LINGO2: variants seen among roughly 807,000 people sequenced by gnomAD.
The protein encoded by LINGO2 is leucine rich repeat and Ig domain containing 2.
In LINGO2, 14 loss-of-function variants were observed where a neutral mutation model predicts 30.6. The observed-to-expected ratio is 0.46, with a 90% confidence interval of 0.30 to 0.72. The LOEUF (loss-of-function observed/expected upper bound fraction) is 0.72. Ranked by LOEUF, LINGO2 falls within the 30% of genes least tolerant of loss-of-function variation. The probability of loss-of-function intolerance (pLI) is 0.07; values close to 1 mark genes in which losing one functional copy is unlikely to be tolerated. For synonymous variants in LINGO2, 317 were observed against 288.5 expected (o/e 1.10, Z -1.00); for missense variants, 729 against 751.7 (o/e 0.97, Z 0.35).
At chr9:28,797,337 TATATATATATATATATATATATAG>T in the LINGO2 span, among the ~76,000 whole-genome samples, 2 of 62,808 alleles carry the variant, frequency 3.2e-5, no homozygotes, top group African/African-American at 1.3e-4. Context: ...TACATATATA[TATATATATATATATATATATATAG>T]AGAGAGAGAG....
At chr9:28,270,689 T>G (rs1024149070) in intron 4 of LINGO2, among the ~76,000 whole-genome samples, 3 of 152,156 alleles carry the variant, frequency 2.0e-5, no homozygotes, top group African/African-American at 7.2e-5. Context: ...CAACTAGTTC[T>G]TCCTGAATCG....
chr9:28,728,098 C>T, the LINGO2 span, among the ~76,000 whole-genome samples: 1 of 152,236 alleles, frequency 6.6e-6, no homozygotes, highest in African/African-American at 2.4e-5. Context: ...TAACAGAGAA[C>T]TGGGATTGAG....
chr9:28,160,271 T>C (rs922420959), intron 4 of LINGO2, among the ~76,000 whole-genome samples: 1 of 152,186 alleles, frequency 6.6e-6, no homozygotes, highest in African/African-American at 2.4e-5. Context: ...GTGTGATATC[T>C]TGAGAAAGAG....
the LINGO2 span, among the ~76,000 whole-genome samples, chr9:29,181,210 T>C: frequency 6.6e-6 from 1 of 152,326 alleles, no homozygotes; most frequent in Non-Finnish European, 1.5e-5. Context: ...ATTTATCATA[T>C]GTACAAAAAG....
At chr9:29,002,242 C>A in the LINGO2 span, among the ~76,000 whole-genome samples, 2 of 151,988 alleles carry the variant, frequency 1.3e-5, no homozygotes, top group African/African-American at 4.8e-5. Flanking sequence ...TTTTAATTTT[C>A]TCTATTGTAT....
rs1564256090 is a variant in LINGO2, at chr9:28,512,632, TATATACACAC to T, written c.-364-36617_-364-36608del. 2.5e-3 allele frequency among the ~76,000 whole-genome samples: 15 copies of T among 5,958 alleles called. 1 individual carries two copies. The highest frequency in any genetic ancestry group is 4.7e-3 in the African/African-American group (14 of 2,962). The allele number at this position is 5,958 out of a possible 152,430, so 3.9% of individuals were successfully genotyped here. A position where few individuals can be genotyped will look rare whatever the true frequency, so the allele number is the denominator to read the frequency against. On this transcript the variant is annotated intron_variant, in intron 1 of 5. Coordinates refer to ENST00000379992, the Ensembl canonical transcript of LINGO2. Reference sequence around the variant, plus strand: ...ATATATATATATATATATATATATATATATACACACATACATACACACACACACACATATG... The same window carrying T: ...ATATATATATATATATATATATATATATACATACACACACACACACATATG...
chr9:29,074,549 C>T, the LINGO2 span, among the ~76,000 whole-genome samples: 6 of 152,032 alleles, frequency 3.9e-5, no homozygotes, highest in South Asian at 6.2e-4. Flanking sequence ...CATCCTGGGA[C>T]GGATGGAGAT....
At chr9:28,983,064 A>G in the LINGO2 span, among the ~76,000 whole-genome samples, 414 of 152,002 alleles carry the variant, frequency 2.7e-3, 2 homozygotes, top group African/African-American at 9.4e-3. Context: ...CTCAACAGTC[A>G]GAGGAAGCTG....
intron 2 of LINGO2, among the ~76,000 whole-genome samples, chr9:28,402,218 A>AATAGG (rs1491195641): frequency 1.0e-5 from 1 of 96,012 alleles, no homozygotes; most frequent in Non-Finnish European, 2.4e-5. Context: ...AAGAAAAAAC[A>AATAGG]ATAACTTAGG....
the LINGO2 span, among the ~76,000 whole-genome samples, chr9:28,704,406 T>C: frequency 6.7e-6 from 1 of 149,960 alleles, no homozygotes; most frequent in Non-Finnish European, 1.5e-5. Flanking sequence ...ATTTTTTTTT[T>C]CGCATTTATC....
chr9:28,301,947 T>G (rs1824162471), intron 3 of LINGO2, among the ~76,000 whole-genome samples: 1 of 152,138 alleles, frequency 6.6e-6, no homozygotes, highest in African/African-American at 2.4e-5. Flanking sequence ...GAAAAAATCT[T>G]CAACCAAGAA....
chr9:28,292,650 G>A (rs1305896666), intron 4 of LINGO2, among the ~76,000 whole-genome samples: 1 of 151,998 alleles, frequency 6.6e-6, no homozygotes, highest in Non-Finnish European at 1.5e-5. Flanking sequence ...TTTTAGTAGA[G>A]ATGGGGTTTC....
At chr9:28,459,344 A>G (rs1432192099) in intron 2 of LINGO2, among the ~76,000 whole-genome samples, 1 of 151,978 alleles carries the variant, frequency 6.6e-6, no homozygotes, top group Non-Finnish European at 1.5e-5. Flanking sequence ...AGGTAATTAC[A>G]TACTCATTTT....
chr9:29,090,778 T>C, the LINGO2 span, among the ~76,000 whole-genome samples: 1 of 151,998 alleles, frequency 6.6e-6, no homozygotes, highest in Admixed American at 6.6e-5. Flanking sequence ...ATTTATTATT[T>C]ATTTATCCTT....
upstream of LINGO2, among the ~76,000 whole-genome samples, chr9:28,671,082 T>G (rs1415255045): frequency 6.6e-6 from 1 of 152,122 alleles, no homozygotes; most frequent in African/African-American, 2.4e-5. Flanking sequence ...CACTTTCCCA[T>G]GTTTCCCATA....
At chr9:28,001,575 A>C (rs1378376937) in intron 5 of LINGO2, among the ~76,000 whole-genome samples, 1 of 152,182 alleles carries the variant, frequency 6.6e-6, no homozygotes, top group Non-Finnish European at 1.5e-5. Flanking sequence ...ATCAAGATTT[A>C]TTTGCCCAAG....
At chr9:28,936,501 G>A in the LINGO2 span, among the ~76,000 whole-genome samples, 1 of 152,088 alleles carries the variant, frequency 6.6e-6, no homozygotes, top group East Asian at 1.9e-4. Context: ...TCACTTAATG[G>A]ACAATAAAAC....
chr9:28,062,549 T>A (rs1825179576), intron 4 of LINGO2, among the ~76,000 whole-genome samples: 1 of 120,268 alleles, frequency 8.3e-6, no homozygotes, highest in Non-Finnish European at 1.7e-5. Flanking sequence ...TACTATATAT[T>A]GTATATACAT....
intron 4 of LINGO2, among the ~76,000 whole-genome samples, chr9:28,156,622 A>G (rs1828138428): frequency 6.6e-6 from 1 of 152,226 alleles, no homozygotes; most frequent in African/African-American, 2.4e-5. Flanking sequence ...CATTAACTCA[A>G]AAGTCCACAG....
Sources: gnomAD v4.1 joint callset for allele counts (sites outside exome capture counted in the v4.1 genomes callset) on GRCh38, gnomAD v4.1.1 for gene constraint, MANE v1.5 for transcripts, NCBI Gene and HGNC (gene_info 2026-07-23, HGNC 2026-07-21) for gene names.